Variants in MYOF observed in about 807,000 individuals in gnomAD.
MYOF encodes the protein myoferlin, also known as fer-1-like 3, myoferlin.
In MYOF, 244 loss-of-function variants were observed where a neutral mutation model predicts 284.2. The ratio of observed to expected loss-of-function variants is 0.86; its 90% CI spans 0.77 to 0.95. MYOF has a LOEUF of 0.95. Ranked by LOEUF, MYOF falls within the 40% of genes least tolerant of loss-of-function variation. The probability of loss-of-function intolerance (pLI) is 0.00; values close to 1 mark genes in which losing one functional copy is unlikely to be tolerated. For missense variants in MYOF, 2,496 were observed against 2,560.6 expected (o/e 0.97, Z 0.54); for synonymous variants, 904 against 919.7 (o/e 0.98, Z 0.31).
At chr10:93,439,442 C>T (rs1408754680) in intron 3 of MYOF, among the ~76,000 whole-genome samples, 1 of 152,184 alleles carries the variant, frequency 6.6e-6, no homozygotes, top group Non-Finnish European at 1.5e-5. Flanking sequence ...GCTCTGTCTC[C>T]AGTTAATTCC....
At chr10:93,307,349 G>A in intron 53 of MYOF, among the ~76,000 whole-genome samples, 1 of 152,030 alleles carries the variant, frequency 6.6e-6, no homozygotes, top group Non-Finnish European at 1.5e-5. Context: ...AGGCTGGAGT[G>A]CAGTGGCGCG....
At chr10:93,322,427 G>A (rs1322864161) in intron 48 of MYOF, among the ~76,000 whole-genome samples, 3 of 152,160 alleles carry the variant, frequency 2.0e-5, no homozygotes, top group Non-Finnish European at 4.4e-5. Context: ...ACCTTGCCCA[G>A]ACAGTAGGGA....
chr10:93,435,256 A>G (rs1163236792), intron 3 of MYOF, among the ~76,000 whole-genome samples: 3 of 152,342 alleles, frequency 2.0e-5, no homozygotes, highest in East Asian at 3.9e-4. Flanking sequence ...TAGAACAAAC[A>G]GTGCAACATG....
At chr10:93,438,754 A>G (rs1396046787) in intron 3 of MYOF, among the ~76,000 whole-genome samples, 1 of 152,120 alleles carries the variant, frequency 6.6e-6, no homozygotes, top group Non-Finnish European at 1.5e-5. Context: ...GAAAACATTC[A>G]GCATGGGAAT....
Position 93,356,711 on chromosome 10 carries a change from A to T in MYOF, c.3258T>A (p.His1086Gln). The T allele has an allele frequency of 3.1e-6, 5 of 1,614,144 alleles. No homozygotes were observed. Among genetic ancestry groups the T allele is most frequent in the Non-Finnish European group, 4.2e-6 (5 of 1,180,004 alleles). Residue 1086 changes from histidine (H) to glutamine (Q), a missense_variant, in exon 30 of 54, where the codon CAT becomes CAA. By Grantham distance (24) the His-to-Gln change is conservative. Around this residue, in one of 3 missense-constraint regions of MYOF, gnomAD observed 2,436 missense variants for 2,480.7 expected, o/e 0.98. Transcript: ENST00000359263. ...WRRKMAPSETHGAAAIFKLEG... is the reference protein window; with the variant it reads ...WRRKMAPSETQGAAAIFKLEG... ...CAAGTTTAAAGATGGCAGCTGCACC[A>T]TGTGTTTCTGAAGGAGCCATTTTTC... is the stretch of plus-strand genomic sequence containing the variant.
rs1433035135 is a variant in MYOF at position 93,307,536 on chromosome 10, G to A, written c.6148-535C>T. 3.3e-5 allele frequency among the ~76,000 whole-genome samples: 5 copies of A among 151,992 alleles called. No individual in the cohort carries two copies. The South Asian group carries it at 6.2e-4, about 19-fold the overall frequency. ...AGGATGGACTCTGTCTCCTGACCTC[G>A]TGATCCGCCTGCCTCGGCCTCCAAA... On this transcript the variant is annotated intron_variant, in intron 53 of 53. Transcript: ENST00000359263.
chr10:93,444,048 T>C (rs1286182251), intron 3 of MYOF, among the ~76,000 whole-genome samples: 1 of 152,198 alleles, frequency 6.6e-6, no homozygotes, highest in Non-Finnish European at 1.5e-5. Context: ...GAGAGGTTTG[T>C]TTCTCTTGTG....
At chr10:93,381,182 G>A (rs372871896) in intron 20 of MYOF, 37 bp downstream of exon 20, 28 of 1,608,590 alleles carry the variant, frequency 1.7e-5, no homozygotes, top group African/African-American at 1.6e-4. Context: ...TGCACCCATT[G>A]TAAACGTGTG....
At chr10:93,435,710 C>T (rs1379189553) in intron 3 of MYOF, among the ~76,000 whole-genome samples, 1 of 152,062 alleles carries the variant, frequency 6.6e-6, no homozygotes, top group African/African-American at 2.4e-5. Flanking sequence ...CCTGTCATCT[C>T]ACCACTTTGG....
rs1432197157 is a variant in MYOF at position 93,408,880 on chromosome 10, A to T, written c.636T>A (p.Ser212Arg). 3.1e-6 allele frequency: 5 copies of T among 1,614,154 alleles called. No homozygotes were observed. The highest frequency in any genetic ancestry group is 4.2e-6 in the Non-Finnish European group (5 of 1,180,024). The change falls in exon 7 of 54, where the codon AGT becomes AGA. Residue 212 changes from serine (S) to arginine (R), a missense_variant. By Grantham distance (110) the Ser-to-Arg change is moderately radical (BLOSUM62 -1). Around this residue, in one of 3 missense-constraint regions of MYOF, gnomAD observed 2,436 missense variants for 2,480.7 expected, o/e 0.98. Transcript: ENST00000359263. ...RVRVIEGRQLSGNNIRPVVKV... is the reference protein window; with the variant it reads ...RVRVIEGRQLRGNNIRPVVKV... ...TGACCACAGGCCTTATGTTGTTACC[A>T]CTTAACTGTCGGCCCTCAATCACTC...
chr10:93,439,353 C>A (rs1435881184), intron 3 of MYOF, among the ~76,000 whole-genome samples: 2 of 152,206 alleles, frequency 1.3e-5, no homozygotes, highest in Non-Finnish European at 2.9e-5. Context: ...TGGTCACCTG[C>A]TATTTTGTTA....
chr10:93,338,400 A>C (rs966793364), intron 39 of MYOF: 5 of 456,488 alleles, frequency 1.1e-5, no homozygotes, highest in Non-Finnish European at 2.2e-5. Context: ...TATAAGCCAT[A>C]CCCTTATGTT....
intron 51 of MYOF, among the ~76,000 whole-genome samples, chr10:93,311,242 C>CATGAGCATTGCTCATGGCAATAGTA (rs1278678146): frequency 6.6e-6 from 1 of 152,086 alleles, no homozygotes; most frequent in African/African-American, 2.4e-5. Flanking sequence ...CTCATGGCAA[C>CATGAGCATTGCTCATGGCAATAGTA]CCTACAAAGG....
intron 29 of MYOF, among the ~76,000 whole-genome samples, chr10:93,357,980 A>T (rs1052541385): frequency 6.6e-6 from 1 of 152,214 alleles, no homozygotes; most frequent in Non-Finnish European, 1.5e-5. Context: ...AAGAGCTTCT[A>T]CACAGCAAAA....
intron 22 of MYOF, among the ~76,000 whole-genome samples, chr10:93,375,470 C>G (rs1270944773): frequency 6.6e-6 from 1 of 152,218 alleles, no homozygotes; most frequent in East Asian, 1.9e-4. Context: ...TGTGTCAACA[C>G]GTAGTGTGAT....
rs1181555178 is a variant in MYOF at position 93,409,567 on chromosome 10, T to C, written c.600+6A>G. On this transcript the variant is annotated splice_donor_region_variant and intron_variant, in intron 6 of 53. Coordinates refer to ENST00000359263, the MANE Select transcript of MYOF (RefSeq NM_013451.4). ...ACAAAGAAGCAGAACGCCAGGCCGT[T>C]GCTACCTGGAAGTCCTGTGGCTTAT... 6.2e-7 allele frequency: 1 copy of C among 1,610,986 alleles called. No homozygotes were observed. Among genetic ancestry groups the C allele is most frequent in the Non-Finnish European group, 8.5e-7 (1 of 1,179,130 alleles).
intron 37 of MYOF, among the ~76,000 whole-genome samples, chr10:93,346,778 T>C (rs2133868684): frequency 6.6e-6 from 1 of 152,284 alleles, no homozygotes; most frequent in Middle Eastern, 3.4e-3. Context: ...CACTTCCTCG[T>C]TTGCCTTCCC....
At chr10:93,424,916 G>A (rs368277249) in intron 5 of MYOF, among the ~76,000 whole-genome samples, 3 of 150,028 alleles carry the variant, frequency 2.0e-5, no homozygotes, top group Non-Finnish European at 3.0e-5. Flanking sequence ...TTCCTCCCAG[G>A]AGGGAGAATT....
intron 19 of MYOF, among the ~76,000 whole-genome samples, chr10:93,386,749 G>A (rs371024181): frequency 2.0e-5 from 3 of 152,186 alleles, no homozygotes; most frequent in African/African-American, 7.2e-5. Context: ...CATTGCTCTG[G>A]GGAAGAAGGG....
Sources: allele counts gnomAD v4.1 joint callset (sites outside exome capture counted in the v4.1 genomes callset), GRCh38; gene constraint gnomAD v4.1.1; regional missense constraint gnomAD v4.1.1; transcripts MANE v1.5; gene names NCBI Gene and HGNC (gene_info 2026-07-23, HGNC 2026-07-21).